MPHOSPH8: variants seen among roughly 807,000 people sequenced by gnomAD.
The protein encoded by MPHOSPH8 is M-phase phosphoprotein, mpp.
In MPHOSPH8, 45 loss-of-function variants were observed where a neutral mutation model predicts 87.3. That is an observed-to-expected ratio of 0.52 (90% CI 0.41 to 0.66). The LOEUF (loss-of-function observed/expected upper bound fraction) is 0.66, where lower values mean the gene tolerates loss of function less well. Ranked by LOEUF, MPHOSPH8 falls within the 30% of genes least tolerant of loss-of-function variation. The pLI, the probability that MPHOSPH8 is intolerant of heterozygous loss-of-function variation, is 0.00. For missense variants in MPHOSPH8, 883 were observed against 1,020.2 expected (o/e 0.87, Z 1.83); for synonymous variants, 366 against 376.9 (o/e 0.97, Z 0.33).
chr13:19,662,510 G>C (rs1316603702), intron 8 of MPHOSPH8, among the ~76,000 whole-genome samples: 1 of 151,022 alleles, frequency 6.6e-6, no homozygotes, highest in Non-Finnish European at 1.5e-5. Context: ...AAAGTGCTGG[G>C]ATTACAGGCA....
At position 19,646,999 on chromosome 13, in the gene MPHOSPH8, G is replaced by C; in HGVS notation, c.926G>C (p.Gly309Ala). 6.3e-7 allele frequency: 1 copy of C among 1,592,406 alleles called. No individual in the cohort carries two copies. The highest frequency in any genetic ancestry group is 1.1e-5 in the South Asian group (1 of 87,434). The part of the protein sequence containing the change: ...RAGQDMGLEH[G>A]FEKPLDSAMS... ...GGGCAGGACATGGGGCTGGAGCATG[G>C]CTTTGAGAAGCCCCTAGACAGTGCC... Residue 309 changes from glycine (G) to alanine (A), a missense_variant, in exon 3 of 14, where the codon GGC (glycine) becomes GCC (alanine). Coordinates refer to ENST00000361479, the MANE Select transcript of MPHOSPH8 (RefSeq NM_017520.4).
chr13:19,641,926 C>T (rs933552762), intron 1 of MPHOSPH8, among the ~76,000 whole-genome samples, 189 bp from the exon 2 acceptor site: 4 of 152,096 alleles, frequency 2.6e-5, no homozygotes, highest in African/African-American at 7.2e-5. Context: ...GATCCCACTG[C>T]ACCTGGTCAA....
intron 1 of MPHOSPH8, among the ~76,000 whole-genome samples, chr13:19,636,235 A>C (rs1873999760): frequency 6.6e-6 from 1 of 152,232 alleles, no homozygotes; most frequent in African/African-American, 2.4e-5. Context: ...AGCCATTGAC[A>C]AACTTAAGGG....
chr13:19,658,502 G>GC (rs1250857551), intron 5 of MPHOSPH8, among the ~76,000 whole-genome samples: 1 of 152,160 alleles, frequency 6.6e-6, no homozygotes, highest in Non-Finnish European at 1.5e-5. Flanking sequence ...GGCACTGGGA[G>GC]CAGGAGGCTT....
chr13:19,666,385 T>A, intron 9 of MPHOSPH8, 40 bp from the exon 10 acceptor site: 1 of 1,572,896 alleles, frequency 6.4e-7, no homozygotes. Flanking sequence ...ATGCCACAGT[T>A]TACAGCTAAG....
rs1455044659 is a variant in MPHOSPH8 at position 19,633,705 on chromosome 13, T to C, written c.-44T>C. On this transcript the variant is annotated 5_prime_UTR_variant, in exon 1 of 14. Coordinates refer to ENST00000361479, the MANE Select transcript of MPHOSPH8 (RefSeq NM_017520.4). ...CGGAACGCGAGGGGCTGCTGGGGTG[T>C]TTGTCGCAGCGGGTTTTCCTCGGCG... 2 of 1,550,786 alleles carry C rather than the reference T, an allele frequency of 1.3e-6. No homozygotes were observed. Among genetic ancestry groups the C allele is most frequent in the Admixed American group, 3.9e-5 (2 of 51,350 alleles).
intron 1 of MPHOSPH8, among the ~76,000 whole-genome samples, chr13:19,640,159 C>CTGTG (rs1565932397): frequency 2.6e-5 from 4 of 152,018 alleles, no homozygotes; most frequent in Non-Finnish European, 4.4e-5. Context: ...TGAATTTCAG[C>CTGTG]TGAACTACCC....
chr13:19,673,323 C>T lies in MPHOSPH8; in HGVS notation c.*1448C>T, dbSNP rs1876262591. The T allele has an allele frequency of 1.7e-5, 5 of 296,414 alleles. No individual in the cohort carries two copies. Among genetic ancestry groups the T allele is most frequent in the South Asian group, 3.2e-5 (1 of 31,282 alleles). 18.4% of individuals were successfully genotyped at this position (296,414 alleles called of 1,614,324 possible). A position where few individuals can be genotyped will look rare whatever the true frequency, so the allele number is the denominator to read the frequency against. ...CATTAGTTTATAATTGTATGAAATA[C>T]GATTTTAATGAAAACTTTTCAGAAT... is the stretch of plus-strand genomic sequence containing the variant. On this transcript the variant is annotated 3_prime_UTR_variant, in exon 14 of 14. Coordinates refer to ENST00000361479, the MANE Select transcript of MPHOSPH8 (RefSeq NM_017520.4).
chr13:19,657,121 C>CAAA (rs11383127), intron 5 of MPHOSPH8, among the ~76,000 whole-genome samples: 5,080 of 68,540 alleles, frequency 0.074, 436 homozygotes, highest in African/African-American at 0.1. Flanking sequence ...AACTCTGTCT[C>CAAA]AAAAAAAAAA....
chr13:19,640,969 A>G (rs955041334), intron 1 of MPHOSPH8, among the ~76,000 whole-genome samples: 10 of 152,190 alleles, frequency 6.6e-5, no homozygotes, highest in African/African-American at 1.7e-4. Flanking sequence ...CTAAATATGT[A>G]TTAATGTAAT....
chr13:19,667,827 C>G (rs1875899598), intron 10 of MPHOSPH8, among the ~76,000 whole-genome samples: 1 of 152,168 alleles, frequency 6.6e-6, no homozygotes, highest in Admixed American at 6.5e-5. Flanking sequence ...ATTTCTATCA[C>G]TTAAGAACTC....
chr13:19,660,407 ATCTTG>A (rs1274346821), intron 7 of MPHOSPH8, among the ~76,000 whole-genome samples: 3 of 151,948 alleles, frequency 2.0e-5, no homozygotes, highest in African/African-American at 7.3e-5. Flanking sequence ...GCTTTTGGGT[ATCTTG>A]TCTTGCTTAG....
At chr13:19,635,940 A>G (rs1036236006) in intron 1 of MPHOSPH8, among the ~76,000 whole-genome samples, 2 of 152,118 alleles carry the variant, frequency 1.3e-5, no homozygotes, top group Non-Finnish European at 2.9e-5. Context: ...TGGTGGTTTT[A>G]TAAGCGTCTG....
Position 19,663,050 on chromosome 13 carries a change from C to T in MPHOSPH8, c.1943C>T (p.Thr648Ile). ...LIHAAEKNFLTTVAILLEAGA... is the reference protein window; with the variant it reads ...LIHAAEKNFLITVAILLEAGA... ...TTTTTCTTTTCATAGAACTTTTTAA[C>T]AACAGTGGCTATTCTTTTGGAAGCA... The change falls in exon 9 of 14, where the codon ACA becomes ATA. Residue 648 changes from threonine to isoleucine, a missense_variant. This residue lies in a region of MPHOSPH8 where 741 missense variants were observed against 841.5 expected (regional missense o/e 0.88). Coordinates refer to ENST00000361479, the MANE Select transcript of MPHOSPH8 (RefSeq NM_017520.4). 1 of 1,611,914 alleles carries T rather than the reference C, an allele frequency of 6.2e-7. No homozygotes were observed. The highest frequency in any genetic ancestry group is 8.5e-7 in the Non-Finnish European group (1 of 1,178,076).
At chr13:19,644,661 G>C (rs369729194) in intron 2 of MPHOSPH8, among the ~76,000 whole-genome samples, 10 of 152,218 alleles carry the variant, frequency 6.6e-5, no homozygotes, top group Admixed American at 2.0e-4. Flanking sequence ...TGGTAGGAAG[G>C]CTCTTGAGAA....
Position 19,671,892 on chromosome 13 carries a change from G to C in MPHOSPH8, c.*17G>C. ...CTGCAGTGACCAAACAGAAGGGACTGGGCGGAGTTCTCTTCAGACCGATTC... is the reference window on the plus strand; with the variant it reads ...CTGCAGTGACCAAACAGAAGGGACTCGGCGGAGTTCTCTTCAGACCGATTC... On this transcript the variant is annotated 3_prime_UTR_variant, in exon 14 of 14. Transcript: ENST00000361479. 6.2e-7 allele frequency: 1 copy of C among 1,613,046 alleles called. No individual in the cohort carries two copies.
chr13:19,671,813 T>G lies in MPHOSPH8; in HGVS notation c.2542-21T>G, dbSNP rs375068160. 4 of 1,613,266 alleles carry G rather than the reference T, an allele frequency of 2.5e-6. No homozygotes were observed. The African/African-American group carries it at 5.3e-5, about 22-fold the overall frequency. ...GGAAATCTGGATCTGTACTGACACC[T>G]GCGTTCTTTTCTTTCAACAGGTTAA... On this transcript the variant is annotated intron_variant, in intron 13 of 13. Transcript: ENST00000361479.
intron 5 of MPHOSPH8, among the ~76,000 whole-genome samples, chr13:19,653,695 A>G (rs1027029743): frequency 6.6e-5 from 10 of 152,226 alleles, no homozygotes; most frequent in African/African-American, 2.4e-4. Context: ...CTAGAATAAC[A>G]AGTTTAGGGA....
intron 7 of MPHOSPH8, chr13:19,659,539 C>G (rs1875393073): frequency 2.4e-6 from 1 of 424,364 alleles, no homozygotes; most frequent in African/African-American, 2.0e-5. Flanking sequence ...TGGTGTACAC[C>G]TTTGGTCCCA....
Sources: gnomAD v4.1 joint callset for allele counts (sites outside exome capture counted in the v4.1 genomes callset) on GRCh38, gnomAD v4.1.1 for gene constraint, gnomAD v4.1.1 regional missense constraint, MANE v1.5 for transcripts, NCBI Gene and HGNC (gene_info 2026-07-23, HGNC 2026-07-21) for gene names.